AFDN: variants seen among roughly 807,000 people sequenced by gnomAD.
AFDN encodes the protein afadin.
Under a neutral mutation model 216.6 loss-of-function variants are expected in AFDN, and 68 were observed. That is an observed-to-expected ratio of 0.31 (90% CI 0.26 to 0.38). The LOEUF is 0.38. AFDN is among the 10% of genes least tolerant of loss of function. AFDN has a pLI of 1.00. For missense variants in AFDN, 2,136 were observed against 2,342.0 expected, an observed-to-expected ratio of 0.91 and a Z score of 1.82; for synonymous variants, 868 against 853.7, an observed-to-expected ratio of 1.02 and a Z score of -0.29.
chr6:167,831,593 G>A (rs1233913270), intron 1 of AFDN, among the ~76,000 whole-genome samples: 2 of 152,096 alleles, frequency 1.3e-5, no homozygotes, highest in African/African-American at 4.8e-5. Flanking sequence ...CAGACCTGAT[G>A]GAAAATAAGT....
intron 1 of AFDN, among the ~76,000 whole-genome samples, chr6:167,839,329 A>G (rs921699255): frequency 2.6e-5 from 4 of 152,126 alleles, no homozygotes; most frequent in Non-Finnish European, 5.9e-5. Flanking sequence ...ATGGGCCGAG[A>G]AGCATGGGAA....
At chr6:167,890,334 A>T (rs1369116864) in intron 7 of AFDN, among the ~76,000 whole-genome samples, 1 of 152,266 alleles carries the variant, frequency 6.6e-6, no homozygotes. Flanking sequence ...AATCAGGTCA[A>T]CTAAAAATAT....
At position 167,918,749 on chromosome 6, in the gene AFDN, T is replaced by C. The variant is rs748974094; in HGVS notation, c.2724T>C (p.Asn908=). The change falls in exon 21 of 34, where the codon AAT becomes AAC. Residue 908 remains asparagine, a synonymous_variant. Transcript: ENST00000683244. ...EPFIPTDLIE[N]VVTVAENTAD... Reference sequence around the variant, plus strand: ...TTTCCAAACAGGATCTTATAGAAAATGTAGTGACTGTGGCTGAAAACACTG... The same window carrying C: ...TTTCCAAACAGGATCTTATAGAAAACGTAGTGACTGTGGCTGAAAACACTG... 1.8e-5 allele frequency: 29 copies of C among 1,614,130 alleles called. No individual in the cohort carries two copies. Among genetic ancestry groups the C allele is most frequent in the Non-Finnish European group, 2.5e-5 (29 of 1,180,022 alleles).
At chr6:167,913,758 T>A (rs1223417512) in intron 16 of AFDN, 2 of 425,090 alleles carry the variant, frequency 4.7e-6, no homozygotes, top group East Asian at 4.3e-5. Context: ...CAGTACTTGA[T>A]ACTGAGTTGC....
At position 167,866,180 on chromosome 6, in the gene AFDN, A is replaced by G. The variant is rs540544697; in HGVS notation, c.301+1434A>G. ...ATACTGTCGAGTGTGAAGTCTGAATAATATGTAAGATTGGAGTTTGAGGTC... is the reference window on the plus strand; with the variant it reads ...ATACTGTCGAGTGTGAAGTCTGAATGATATGTAAGATTGGAGTTTGAGGTC... On this transcript the variant is annotated intron_variant, in intron 2 of 33. Transcript: ENST00000683244. Among the ~76,000 whole-genome samples the G allele has an allele frequency of 1.1e-4, 17 of 152,238 alleles. No individual in the cohort carries two copies. In the South Asian group the frequency reaches 3.5e-3, roughly 32 times the overall value.
At chr6:167,891,227 T>G (rs369006849) in intron 8 of AFDN, among the ~76,000 whole-genome samples, 198 bp downstream of exon 8, 4 of 152,212 alleles carry the variant, frequency 2.6e-5, no homozygotes, top group African/African-American at 9.7e-5. Context: ...TATGTATATG[T>G]TTACATAAAA....
At chr6:167,837,167 T>C (rs1383721765) in intron 1 of AFDN, among the ~76,000 whole-genome samples, 1 of 152,208 alleles carries the variant, frequency 6.6e-6, no homozygotes, top group Non-Finnish European at 1.5e-5. Flanking sequence ...AAAATATTTA[T>C]GATATGGCTT....
intron 1 of AFDN, among the ~76,000 whole-genome samples, chr6:167,848,246 A>G (rs565472086): frequency 6.6e-6 from 1 of 152,314 alleles, no homozygotes; most frequent in Admixed American, 6.5e-5. Flanking sequence ...CATTACAACC[A>G]GTCTCTTATT....
At chr6:167,858,527 A>G (rs1562562874) in intron 1 of AFDN, among the ~76,000 whole-genome samples, 1 of 152,190 alleles carries the variant, frequency 6.6e-6, no homozygotes, top group Non-Finnish European at 1.5e-5. Flanking sequence ...TCCCACTTTC[A>G]GTGAACTTGG....
intron 22 of AFDN, 32 bp downstream of exon 22, chr6:167,922,991 T>G: frequency 7.1e-7 from 1 of 1,417,088 alleles, no homozygotes; most frequent in Non-Finnish European, 1.0e-6. Context: ...TGAAGTGAAA[T>G]GGATCCTTAG....
chr6:167,892,650 T>C (rs1787755036), intron 8 of AFDN, among the ~76,000 whole-genome samples: 1 of 152,186 alleles, frequency 6.6e-6, no homozygotes, highest in African/African-American at 2.4e-5. Flanking sequence ...ATTTGATAAA[T>C]ATTGATTGAA....
At chr6:167,952,886 A>G (rs1429794826) in intron 30 of AFDN, among the ~76,000 whole-genome samples, 1 of 152,240 alleles carries the variant, frequency 6.6e-6, no homozygotes, top group Non-Finnish European at 1.5e-5. Flanking sequence ...TTGAGAACTG[A>G]TTTTATTCTT....
intron 1 of AFDN, among the ~76,000 whole-genome samples, 160 bp downstream of exon 1, chr6:167,827,397 C>T (rs1243486822): frequency 7.5e-6 from 1 of 133,638 alleles, no homozygotes; most frequent in Non-Finnish European, 1.6e-5. Flanking sequence ...CCACCGCGGG[C>T]CCCGGCGTCC....
At chr6:167,935,032 A>G (rs1425200817) in intron 23 of AFDN, among the ~76,000 whole-genome samples, 1 of 152,132 alleles carries the variant, frequency 6.6e-6, no homozygotes, top group Non-Finnish European at 1.5e-5. Context: ...GTTTTTTATT[A>G]TAATTTTTGA....
chr6:167,929,422 A>C (rs1217708088), intron 23 of AFDN, among the ~76,000 whole-genome samples: 1 of 152,222 alleles, frequency 6.6e-6, no homozygotes, highest in African/African-American at 2.4e-5. Context: ...ACCTTTCACC[A>C]GCTGAAGCTA....
intron 2 of AFDN, among the ~76,000 whole-genome samples, chr6:167,866,184 T>C (rs948351888): frequency 6.6e-6 from 1 of 152,160 alleles, no homozygotes; most frequent in African/African-American, 2.4e-5. Context: ...CTGAATAATA[T>C]GTAAGATTGG....
intron 23 of AFDN, among the ~76,000 whole-genome samples, chr6:167,930,154 G>GT (rs890053354): frequency 6.6e-6 from 1 of 151,978 alleles, no homozygotes; most frequent in African/African-American, 2.4e-5. Context: ...GTGGTGAACT[G>GT]TTTTTTCATC....
chr6:167,891,658 C>T (rs1028135418), intron 8 of AFDN, among the ~76,000 whole-genome samples: 2 of 151,964 alleles, frequency 1.3e-5, no homozygotes, highest in Non-Finnish European at 2.9e-5. Flanking sequence ...TAGAGAAATA[C>T]GTGGGCATTC....
Position 167,965,946 on chromosome 6 carries a change from T to C in AFDN, c.5158T>C (p.Ser1720Pro), listed in dbSNP as rs569502482. 4 of 1,479,882 alleles carry C rather than the reference T, an allele frequency of 2.7e-6. No homozygotes were observed. Among genetic ancestry groups the C allele is most frequent in the East Asian group, 5.4e-5 (2 of 37,360 alleles). 91.7% of individuals were successfully genotyped at this position (1,479,882 alleles called of 1,614,324 possible). A position where few individuals can be genotyped will look rare whatever the true frequency, so the allele number is the denominator to read the frequency against. ...TCCTCCCCCGCCTCAGCGAAACGCCTCCTACCTCAAAACACAGGTCCTCTC... is the reference window on the plus strand; with the variant it reads ...TCCTCCCCCGCCTCAGCGAAACGCCCCCTACCTCAAAACACAGGTCCTCTC... The part of the protein sequence containing the change: ...APPPPPQRNA[S>P]YLKTQVLSPD... The change falls in exon 32 of 34, where the codon TCC becomes CCC. Residue 1720 changes from serine (S) to proline (P), a missense_variant. Ser to Pro is a moderately conservative substitution (Grantham distance 74, BLOSUM62 -1). Transcript: ENST00000683244.
Sources: allele counts gnomAD v4.1 joint callset (sites outside exome capture counted in the v4.1 genomes callset), GRCh38; gene constraint gnomAD v4.1.1; transcripts MANE v1.5; gene names NCBI Gene and HGNC (gene_info 2026-07-23, HGNC 2026-07-21).